The following CCDC85C variants were observed in gnomAD, a reference collection of about 807,000 sequenced individuals.
CCDC85C encodes the protein coiled-coil domain-containing protein 85C.
Under a neutral mutation model 38.3 loss-of-function variants are expected in CCDC85C, and 18 were observed. That is an observed-to-expected ratio of 0.47 (90% CI 0.33 to 0.70). CCDC85C has a LOEUF of 0.70. Ranked by LOEUF, CCDC85C falls within the 30% of genes least tolerant of loss-of-function variation. The pLI, the probability that CCDC85C is intolerant of heterozygous loss-of-function variation, is 0.03. For synonymous variants in CCDC85C, 264 were observed against 293.8 expected, an observed-to-expected ratio of 0.90 and a Z score of 1.04; for missense variants, 566 against 621.2, an observed-to-expected ratio of 0.91 and a Z score of 0.94.
chr14:99,603,211 A>G lies in CCDC85C; in HGVS notation c.749T>C (p.Leu250Ser). 2 of 1,429,208 alleles carry G rather than the reference A, an allele frequency of 1.4e-6. No homozygotes were observed. The highest frequency in any genetic ancestry group is 1.8e-6 in the Non-Finnish European group (2 of 1,093,896). The allele number at this position is 1,429,208 out of a possible 1,614,324, so 88.5% of individuals were successfully genotyped here. A position where few individuals can be genotyped will look rare whatever the true frequency, so the allele number is the denominator to read the frequency against. Residue 250 changes from leucine to serine, a missense_variant, in exon 1 of 6, where the codon TTG (leucine) becomes TCG (serine). Leu to Ser is a moderately radical substitution (Grantham distance 145). This residue lies in a region of CCDC85C where 286 missense variants were observed against 276.4 expected (regional missense o/e 1.03). Coordinates refer to ENST00000380243, the MANE Select transcript of CCDC85C (RefSeq NM_001144995.2). This position sits in a 1 kb window ranked among gnomAD's most constrained non-coding sequence, Gnocchi z 7.5. Reference protein sequence around the residue: ...AGATRRSLDDLSAPPHHRSIP... With the variant: ...AGATRRSLDDSSAPPHHRSIP... The stretch of plus-strand genomic sequence containing the variant: ...GCTGCGGTGGTGCGGCGGCGCCGAC[A>G]AGTCGTCCAGGGACCGACGTGTGGC...
At chr14:99,577,940 G>A (rs1157827665) in intron 1 of CCDC85C, among the ~76,000 whole-genome samples, 3 of 145,100 alleles carry the variant, frequency 2.1e-5, no homozygotes, top group Admixed American at 1.4e-4. Flanking sequence ...GTGTGTGTGT[G>A]TGTACACATC....
intron 1 of CCDC85C, chr14:99,583,209 A>T (rs982204150): frequency 6.6e-6 from 1 of 152,240 alleles, no homozygotes; most frequent in Non-Finnish European, 1.5e-5. Context: ...GTTTATTTTT[A>T]AAAGTGTGTA....
At chr14:99,528,577 T>G (rs1470884571) in intron 2 of CCDC85C, among the ~76,000 whole-genome samples, 1 of 151,632 alleles carries the variant, frequency 6.6e-6, no homozygotes, top group African/African-American at 2.4e-5. Flanking sequence ...CCTGCTACCC[T>G]CCCAGGGAAA....
chr14:99,575,653 C>G (rs1023917661), intron 1 of CCDC85C, among the ~76,000 whole-genome samples: 3 of 152,326 alleles, frequency 2.0e-5, no homozygotes, highest in African/African-American at 7.2e-5. Flanking sequence ...CTGCGCACAG[C>G]GGACCTGCAT....
At chr14:99,559,931 T>C (rs2021926) in intron 1 of CCDC85C, among the ~76,000 whole-genome samples, 64,318 of 151,400 alleles carry the variant, frequency 0.42, 15,099 homozygotes, top group African/African-American at 0.62. Context: ...CGGGACTGGG[T>C]TGCATGGGTC....
rs148070931 is a variant in CCDC85C at position 99,543,989 on chromosome 14, G to A, written c.794-7901C>T. 7.1e-3 allele frequency among the ~76,000 whole-genome samples: 1,086 copies of A among 152,280 alleles called. 2 individuals are homozygous for A. The highest frequency in any genetic ancestry group is 0.01 in the Non-Finnish European group (698 of 68,028). The stretch of plus-strand genomic sequence containing the variant: ...CGATGCCTTCCAGTGCCCTGGGCGT[G>A]GAAAAGAGTTCTCCCATCCACTTGG... On this transcript the variant is annotated intron_variant, in intron 1 of 5. Transcript: ENST00000380243.
rs970084271 is a variant in CCDC85C at position 99,503,947 on chromosome 14, C to G, written c.*11299G>C. 1.8e-4 allele frequency: 72 copies of G among 396,330 alleles called. No individual in the cohort carries two copies. Among genetic ancestry groups the G allele is most frequent in the Non-Finnish European group, 3.0e-4 (64 of 214,882 alleles). 24.6% of individuals were successfully genotyped at this position (396,330 alleles called of 1,614,324 possible). ...GTTGCTGCAATTTTATTTTTAGAGA[C>G]TATTTACCCCCATCACAGCAGCAGG... On this transcript the variant is annotated 3_prime_UTR_variant, in exon 6 of 6. Coordinates refer to ENST00000380243, the MANE Select transcript of CCDC85C (RefSeq NM_001144995.2).
chr14:99,574,879 C>T (rs1414012295), intron 1 of CCDC85C, among the ~76,000 whole-genome samples: 1 of 152,174 alleles, frequency 6.6e-6, no homozygotes, highest in Non-Finnish European at 1.5e-5. Flanking sequence ...GATCCCCACC[C>T]AGGGACAGGC....
At chr14:99,518,398 G>A (rs1055620780) in intron 3 of CCDC85C, among the ~76,000 whole-genome samples, 1 of 152,166 alleles carries the variant, frequency 6.6e-6, no homozygotes, top group Non-Finnish European at 1.5e-5. Flanking sequence ...CTAGGAAAGC[G>A]TCATTGAGGT....
intron 1 of CCDC85C, among the ~76,000 whole-genome samples, chr14:99,536,958 G>A (rs1595349203): frequency 6.6e-6 from 1 of 152,212 alleles, no homozygotes; most frequent in African/African-American, 2.4e-5. Flanking sequence ...CCTCAGGGCA[G>A]AGGGCTGGGG....
Position 99,503,323 on chromosome 14 carries a change from A to G in CCDC85C, c.*11923T>C, listed in dbSNP as rs1345843002. ...GCAGCTGCCTGACCCCAAACAGTGG[A>G]CCGTTTCCTGCACCCAAGTGGTCCT... is the stretch of plus-strand genomic sequence containing the variant. On this transcript the variant is annotated 3_prime_UTR_variant, in exon 6 of 6. Transcript: ENST00000380243. 6 of 602,340 alleles carry G rather than the reference A, an allele frequency of 1.0e-5. No homozygotes were observed. Among genetic ancestry groups the G allele is most frequent in the Non-Finnish European group, 1.8e-5 (6 of 337,826 alleles). 37.3% of individuals were successfully genotyped at this position (602,340 alleles called of 1,614,324 possible). A position where few individuals can be genotyped will look rare whatever the true frequency, so the allele number is the denominator to read the frequency against.
At chr14:99,559,469 G>A (rs1898074347) in intron 1 of CCDC85C, among the ~76,000 whole-genome samples, 1 of 136,968 alleles carries the variant, frequency 7.3e-6, no homozygotes, top group South Asian at 2.4e-4. Context: ...AGAAGGCTGA[G>A]CAAATTCCAG....
At position 99,509,849 on chromosome 14, in the gene CCDC85C, A is replaced by C; in HGVS notation, c.*5397T>G. 1 of 447,182 alleles carries C rather than the reference A, an allele frequency of 2.2e-6. No homozygotes were observed. The highest frequency in any genetic ancestry group is 4.0e-6 in the Non-Finnish European group (1 of 252,022). The allele number at this position is 447,182 out of a possible 1,614,324, so 27.7% of individuals were successfully genotyped here. A position where few individuals can be genotyped will look rare whatever the true frequency, so the allele number is the denominator to read the frequency against. Reference sequence around the variant, plus strand: ...AGCCCCCACACGTTTTGCACTAGGAAGAGGGGGCTGGGGCCAGGGCACAAG... The same window carrying C: ...AGCCCCCACACGTTTTGCACTAGGACGAGGGGGCTGGGGCCAGGGCACAAG... On this transcript the variant is annotated 3_prime_UTR_variant, in exon 6 of 6. Transcript: ENST00000380243.
chr14:99,525,613 G>A (rs1897368942), intron 2 of CCDC85C, among the ~76,000 whole-genome samples: 1 of 152,248 alleles, frequency 6.6e-6, no homozygotes, highest in Admixed American at 6.5e-5. Flanking sequence ...CGCCTCCTGT[G>A]TGCCAGGCAC....
chr14:99,531,926 C>T (rs1406102219), intron 2 of CCDC85C, among the ~76,000 whole-genome samples: 1 of 152,252 alleles, frequency 6.6e-6, no homozygotes, highest in African/African-American at 2.4e-5. Context: ...ACCCTCACTA[C>T]CTGCTGAAGC....
At chr14:99,524,298 C>T (rs1213184351) in intron 2 of CCDC85C, among the ~76,000 whole-genome samples, 1 of 152,076 alleles carries the variant, frequency 6.6e-6, no homozygotes, top group Non-Finnish European at 1.5e-5. Flanking sequence ...CCCCTTCAGC[C>T]GGCCCTGCCC....
rs1290782711 is a variant in CCDC85C at position 99,514,305 on chromosome 14, C to T, written c.*941G>A. 8 of 152,614 alleles carry T rather than the reference C, an allele frequency of 5.2e-5. No individual in the cohort carries two copies. The highest frequency in any genetic ancestry group is 1.9e-4 in the African/African-American group (8 of 41,474). 9.5% of individuals were successfully genotyped at this position (152,614 alleles called of 1,614,324 possible). On this transcript the variant is annotated 3_prime_UTR_variant, in exon 6 of 6. Coordinates refer to ENST00000380243, the MANE Select transcript of CCDC85C (RefSeq NM_001144995.2). Reference sequence around the variant, plus strand: ...TCCTTCCCAAAAAGAACAGAACTCTCATCTGCAGCCTACACAGCTCTGTCC... The same window carrying T: ...TCCTTCCCAAAAAGAACAGAACTCTTATCTGCAGCCTACACAGCTCTGTCC...
chr14:99,534,880 C>T (rs1374562067), intron 2 of CCDC85C: 4 of 610,506 alleles, frequency 6.6e-6, no homozygotes, highest in Non-Finnish European at 8.8e-6. Context: ...CCATTCAGAG[C>T]TTGGCTGTGC....
At chr14:99,556,247 C>A (rs72706324) in intron 1 of CCDC85C, among the ~76,000 whole-genome samples, 20,804 of 152,232 alleles carry the variant, frequency 0.14, 1,901 homozygotes, top group Non-Finnish European at 0.21. Flanking sequence ...CGGCATCCCG[C>A]CTCCACAGAA....
Sources: allele counts gnomAD v4.1 joint callset (sites outside exome capture counted in the v4.1 genomes callset), GRCh38; gene constraint gnomAD v4.1.1; regional missense constraint gnomAD v4.1.1; non-coding constraint Gnocchi (gnomAD v3.1); transcripts MANE v1.5; gene names NCBI Gene and HGNC (gene_info 2026-07-23, HGNC 2026-07-21).